The following ACBD7 variants were observed in gnomAD, a reference collection of about 807,000 sequenced individuals.
The protein encoded by ACBD7 is acyl-CoA binding domain containing 7, also known as acyl-CoA-binding domain-containing protein 7.
A neutral mutation model predicts 13.7 loss-of-function variants in ACBD7; 11 were observed. The ratio of observed to expected loss-of-function variants is 0.80; its 90% CI spans 0.50 to 1.33. The LOEUF (loss-of-function observed/expected upper bound fraction) is 1.33, where lower values mean the gene tolerates loss of function less well. Ranked by LOEUF, ACBD7 falls within the 40% of genes most tolerant of loss-of-function variation. ACBD7 has a pLI of 0.00. For missense variants in ACBD7, 111 were observed against 103.0 expected (o/e 1.08, Z -0.33); for synonymous variants, 43 against 37.7 (o/e 1.14, Z -0.51).
intron 1 of ACBD7, 156 bp downstream of exon 1, chr10:15,088,561 G>T (rs11259477): frequency 0.032 from 33,084 of 1,034,300 alleles, 563 homozygotes; most frequent in Middle Eastern, 0.055. Context: ...GCACAGGTGC[G>T]GTCTACACTG....
At chr10:15,088,042 T>A in intron 1 of ACBD7, among the ~76,000 whole-genome samples, 1 of 152,128 alleles carries the variant, frequency 6.6e-6, no homozygotes, top group East Asian at 1.9e-4. Flanking sequence ...GAATATTTAA[T>A]AATGAGAAAA....
intron 1 of ACBD7, among the ~76,000 whole-genome samples, chr10:15,084,888 A>C (rs1844791570): frequency 6.6e-6 from 1 of 152,218 alleles, no homozygotes; most frequent in Admixed American, 6.5e-5. Flanking sequence ...GAGGTTGCAA[A>C]GGGAGTAGCC....
rs550264569 is a variant in ACBD7, at chr10:15,087,221, T to C, written c.12+1496A>G. On this transcript the variant is annotated intron_variant, in intron 1 of 3. Coordinates refer to ENST00000356189, the MANE Select transcript of ACBD7 (RefSeq NM_001039844.3). The stretch of plus-strand genomic sequence containing the variant: ...ATGTTCCACCACAAGCTTATCCTTA[T>C]TGGACTTCTACCACATGCCAAACAT... 2.5e-4 allele frequency among the ~76,000 whole-genome samples: 38 copies of C among 152,282 alleles called. No homozygotes were observed. In the South Asian group the frequency reaches 7.3e-3, roughly 29 times the overall value.
In ACBD7 at chr10:15,078,685, A is replaced by G; in HGVS notation, c.193+6T>C. 1 of 1,614,076 alleles carries G rather than the reference A, an allele frequency of 6.2e-7. No individual in the cohort carries two copies. The highest frequency in any genetic ancestry group is 1.1e-5 in the South Asian group (1 of 91,054). On this transcript the variant is annotated splice_donor_region_variant and intron_variant, in intron 3 of 3. Transcript: ENST00000356189. ...TTTGCTTTAAACTTGTGAAAGACTA[A>G]AAAACCTTTTTTGAGGTTCCATGCT...
At chr10:15,080,059 T>C (rs913259826) in intron 1 of ACBD7, among the ~76,000 whole-genome samples, 3 of 152,170 alleles carry the variant, frequency 2.0e-5, no homozygotes, top group African/African-American at 7.2e-5. Context: ...CATTCTTTAA[T>C]ATCAGTATTA....
rs569933756 is a variant in ACBD7, at chr10:15,083,583, C to T, written c.13-4543G>A. Among the ~76,000 whole-genome samples, 32 of 152,264 alleles carry T rather than the reference C, an allele frequency of 2.1e-4. No individual in the cohort carries two copies. In the South Asian group the frequency reaches 2.7e-3, roughly 13 times the overall value. ...TGCAACCTCCACCTCCTGGTTCAAG[C>T]GATCCTCCCACCTCAGCCTCCCAAG... On this transcript the variant is annotated intron_variant, in intron 1 of 3. Coordinates refer to ENST00000356189, the MANE Select transcript of ACBD7 (RefSeq NM_001039844.3).
intron 1 of ACBD7, among the ~76,000 whole-genome samples, chr10:15,080,803 G>C (rs777074149): frequency 6.6e-6 from 1 of 152,116 alleles, no homozygotes; most frequent in African/African-American, 2.4e-5. Flanking sequence ...TCTACAAAGA[G>C]CTTTGTGATT....
chr10:15,079,020 T>C lies in ACBD7; in HGVS notation c.33A>G (p.Ala11=). 6.2e-7 allele frequency: 1 copy of C among 1,608,932 alleles called. No individual in the cohort carries two copies. The highest frequency in any genetic ancestry group is 1.1e-5 in the South Asian group (1 of 90,316). The change falls in exon 2 of 4, where the codon GCA becomes GCG. Residue 11 remains alanine, a synonymous_variant. Transcript: ENST00000356189. ...TTGCTTTCAGCTTCCTCACATCTTC[T>C]GCAGCCCTGTCAAAATCAGCCTAAA... is the stretch of plus-strand genomic sequence containing the variant. MALQADFDRA[A]EDVRKLKARP...
At chr10:15,085,393 C>T (rs997508404) in intron 1 of ACBD7, among the ~76,000 whole-genome samples, 2 of 152,210 alleles carry the variant, frequency 1.3e-5, no homozygotes, top group South Asian at 2.1e-4. Flanking sequence ...AGACAGCCTC[C>T]GAGGGTGGCT....
Position 15,076,036 on chromosome 10 carries a change from G to T in ACBD7, c.*2494C>A. Reference sequence around the variant, plus strand: ...ATGTTATATAAATGGAATTATACATGTCACATTTGGGGACTGGCTTTTTCT... The same window carrying T: ...ATGTTATATAAATGGAATTATACATTTCACATTTGGGGACTGGCTTTTTCT... On this transcript the variant is annotated 3_prime_UTR_variant, in exon 4 of 4. Transcript: ENST00000356189. 239 of 581,682 alleles carry T rather than the reference G, an allele frequency of 4.1e-4. No individual in the cohort carries two copies. Among genetic ancestry groups the T allele is most frequent in the Non-Finnish European group, 4.8e-4 (223 of 461,082 alleles). The allele number at this position is 581,682 out of a possible 1,614,324, so 36.0% of individuals were successfully genotyped here.
intron 1 of ACBD7, among the ~76,000 whole-genome samples, chr10:15,081,161 C>T (rs895473449): frequency 1.3e-5 from 2 of 151,910 alleles, no homozygotes; most frequent in African/African-American, 4.9e-5. Context: ...CGTTTCAGCA[C>T]TGACTGAGTG....
chr10:15,088,619 C>T, intron 1 of ACBD7, 98 bp downstream of exon 1: 2 of 1,489,196 alleles, frequency 1.3e-6, no homozygotes, highest in Non-Finnish European at 1.8e-6. Context: ...CGGGTCACCG[C>T]CGACCGCTCC....
Position 15,077,664 on chromosome 10 carries a change from G to A in ACBD7, c.*866C>T, listed in dbSNP as rs1353629742. On this transcript the variant is annotated 3_prime_UTR_variant, in exon 4 of 4. Transcript: ENST00000356189. ...AAGGTGGGCAGATCACCTGAGGTCAGGAGTTCGAGACCAGCCTGGCCAACA... is the reference window on the plus strand; with the variant it reads ...AAGGTGGGCAGATCACCTGAGGTCAAGAGTTCGAGACCAGCCTGGCCAACA... The A allele has an allele frequency of 6.6e-6, 1 of 152,270 alleles. No homozygotes were observed. The highest frequency in any genetic ancestry group is 2.4e-5 in the African/African-American group (1 of 41,448). 9.4% of individuals were successfully genotyped at this position (152,270 alleles called of 1,614,324 possible).
intron 1 of ACBD7, among the ~76,000 whole-genome samples, chr10:15,083,016 G>A (rs768779888): frequency 2.0e-5 from 3 of 151,944 alleles, no homozygotes; most frequent in Non-Finnish European, 4.4e-5. Context: ...CAGCCTGGGT[G>A]ACAGAGCAAG....
At chr10:15,078,826 G>T in intron 2 of ACBD7, 73 bp from the exon 3 acceptor site, 2 of 1,466,326 alleles carry the variant, frequency 1.4e-6, no homozygotes, top group Non-Finnish European at 1.9e-6. Context: ...TGTTCAAACG[G>T]AGTATATTAC....
chr10:15,084,035 A>T (rs1478831827), intron 1 of ACBD7, among the ~76,000 whole-genome samples: 1 of 152,222 alleles, frequency 6.6e-6, no homozygotes. Flanking sequence ...CACAGGAGGT[A>T]GCACAGACGG....
chr10:15,081,793 C>A (rs1027561227), intron 1 of ACBD7, among the ~76,000 whole-genome samples: 3 of 152,258 alleles, frequency 2.0e-5, no homozygotes, highest in African/African-American at 7.2e-5. Flanking sequence ...GGTCTTCAGC[C>A]TAAATAACCT....
chr10:15,076,863 G>C lies in ACBD7; in HGVS notation c.*1667C>G, dbSNP rs1354528628. ...CCAGTAACATTAACTTATTGTAACA[G>C]AACAGATGAGCCAAAAGAACAAACA... On this transcript the variant is annotated 3_prime_UTR_variant, in exon 4 of 4. Transcript: ENST00000356189. The C allele has an allele frequency of 1.0e-6, 1 of 985,226 alleles. No individual in the cohort carries two copies. Among genetic ancestry groups the C allele is most frequent in the Admixed American group, 6.2e-5 (1 of 16,238 alleles). 61.0% of individuals were successfully genotyped at this position (985,226 alleles called of 1,614,324 possible).
chr10:15,078,593 C>T lies in ACBD7; in HGVS notation c.204G>A (p.Thr68=), dbSNP rs371755836. The T allele has an allele frequency of 2.2e-5, 35 of 1,614,054 alleles. No homozygotes were observed. The highest frequency in any genetic ancestry group is 1.9e-4 in the African/African-American group (14 of 75,012). The change falls in exon 4 of 4, where the codon ACG becomes ACA. Residue 68 remains threonine (T), a synonymous_variant. Coordinates refer to ENST00000356189, the MANE Select transcript of ACBD7 (RefSeq NM_001039844.3). ...AAATATAGGCACTCGTCGCATCTTC[C>T]GTCGACAACCCTAGAAAGATACAAA... The part of the protein sequence containing the change: ...EAWNLKKGLS[T]EDATSAYISK...
Sources: allele counts gnomAD v4.1 joint callset (sites outside exome capture counted in the v4.1 genomes callset), GRCh38; gene constraint gnomAD v4.1.1; transcripts MANE v1.5; gene names NCBI Gene and HGNC (gene_info 2026-07-23, HGNC 2026-07-21).